The following LRRC69 variants were observed in gnomAD, a reference collection of about 807,000 sequenced individuals.
The protein encoded by LRRC69 is leucine-rich repeat-containing protein 69.
A neutral mutation model predicts 37.8 loss-of-function variants in LRRC69; 42 were observed. The observed-to-expected ratio is 1.11, with a 90% CI of 0.87 to 1.44. The LOEUF (loss-of-function observed/expected upper bound fraction) is 1.44, where lower values mean the gene tolerates loss of function less well. Among genes scored for constraint, LRRC69 ranks in the 40% most tolerant of loss-of-function variants. LRRC69 has a pLI of 0.00. For synonymous variants in LRRC69, 141 were observed against 143.1 expected (o/e 0.99, Z 0.11); for missense variants, 357 against 401.9 (o/e 0.89, Z 0.96).
chr8:91,157,594 G>A (rs1424244186), intron 5 of LRRC69: 1 of 1,546,228 alleles, frequency 6.5e-7, no homozygotes, highest in Non-Finnish European at 8.9e-7. Context: ...AACTGCACCT[G>A]ATCAGGTGGA....
chr8:91,150,860 A>G (rs907435951), intron 5 of LRRC69, among the ~76,000 whole-genome samples: 16 of 151,926 alleles, frequency 1.1e-4, no homozygotes, highest in African/African-American at 3.9e-4. Context: ...TAGACTTTCT[A>G]GTTTGTTTGC....
intron 5 of LRRC69, among the ~76,000 whole-genome samples, chr8:91,173,815 G>C (rs1809174670): frequency 6.6e-6 from 1 of 151,828 alleles, no homozygotes; most frequent in Non-Finnish European, 1.5e-5. Context: ...TTTTATAAGG[G>C]CTCAACCCTC....
chr8:91,141,946 GA>G (rs1808539866), intron 5 of LRRC69, among the ~76,000 whole-genome samples: 1 of 151,968 alleles, frequency 6.6e-6, no homozygotes, highest in South Asian at 2.1e-4. Context: ...TTTCTGGGAA[GA>G]AAGGATTACT....
chr8:91,136,394 CT>C (rs1314377978), intron 5 of LRRC69, among the ~76,000 whole-genome samples: 1 of 151,784 alleles, frequency 6.6e-6, no homozygotes, highest in Non-Finnish European at 1.5e-5. Context: ...AGGTTTCAGT[CT>C]TTTTTTACCT....
chr8:91,120,563 A>G (rs1477649210), intron 1 of LRRC69, among the ~76,000 whole-genome samples: 1 of 152,134 alleles, frequency 6.6e-6, no homozygotes, highest in Non-Finnish European at 1.5e-5. Context: ...GGCATCTGCC[A>G]TGGTGTAGCA....
intron 7 of LRRC69, chr8:91,206,755 T>G (rs1387674892): frequency 7.8e-7 from 1 of 1,289,716 alleles, no homozygotes; most frequent in Admixed American, 2.3e-5. Flanking sequence ...GTGCATCTGG[T>G]GCTCTGCTAA....
At chr8:91,160,812 T>C (rs2080213092) in intron 5 of LRRC69, among the ~76,000 whole-genome samples, 1 of 151,270 alleles carries the variant, frequency 6.6e-6, no homozygotes, top group South Asian at 2.1e-4. Context: ...TATTATACTA[T>C]GTTGAATAAG....
At chr8:91,118,198 A>G (rs1813547637) in intron 1 of LRRC69, 1 of 455,534 alleles carries the variant, frequency 2.2e-6, no homozygotes, top group Non-Finnish European at 4.4e-6. Context: ...ATGTTGGTCT[A>G]GGTGACTTGT....
rs560743353 is a variant in LRRC69, at chr8:91,160,879, TC to T, written c.651+25141del. ...CCAGATTTCAGAGGAAAAGCATTTT[TC>T]TTTTCCCTGCTGAAAGCTTTTCCAT... is the stretch of plus-strand genomic sequence containing the variant. On this transcript the variant is annotated intron_variant, in intron 5 of 7. Transcript: ENST00000448384. 2.7e-3 allele frequency among the ~76,000 whole-genome samples: 410 copies of T among 151,410 alleles called. 5 individuals carry two copies. The highest frequency in any genetic ancestry group is 9.4e-3 in the African/African-American group (390 of 41,444).
At chr8:91,105,508 A>T (rs1452217016) in intron 1 of LRRC69, among the ~76,000 whole-genome samples, 1 of 151,148 alleles carries the variant, frequency 6.6e-6, no homozygotes, top group Non-Finnish European at 1.5e-5. Context: ...ACATAGTGAG[A>T]CCTCATCTCT....
chr8:91,166,509 A>AC (rs1809032680), intron 5 of LRRC69, among the ~76,000 whole-genome samples: 1 of 150,584 alleles, frequency 6.6e-6, no homozygotes, highest in Non-Finnish European at 1.5e-5. Context: ...AAAAAAAAAA[A>AC]AAAAAAACCT....
chr8:91,186,384 G>A (rs1809408029), intron 5 of LRRC69, among the ~76,000 whole-genome samples: 1 of 152,212 alleles, frequency 6.6e-6, no homozygotes, highest in African/African-American at 2.4e-5. Flanking sequence ...GAGAAGCTTA[G>A]AGGGGTGACA....
chr8:91,114,754 G>A (rs761641060), intron 1 of LRRC69, among the ~76,000 whole-genome samples: 59 of 152,026 alleles, frequency 3.9e-4, no homozygotes, highest in Non-Finnish European at 7.9e-4. Flanking sequence ...CTAGGTTAGT[G>A]TAAGTACTAT....
At chr8:91,189,212 C>T (rs1214049034) in intron 5 of LRRC69, among the ~76,000 whole-genome samples, 1 of 152,022 alleles carries the variant, frequency 6.6e-6, no homozygotes, top group African/African-American at 2.4e-5. Context: ...TTTATTAATG[C>T]TTATTCTATT....
rs2130585562 is a variant in LRRC69, at chr8:91,173,057, C to T, written c.652-16465C>T. Among the ~76,000 whole-genome samples the T allele has an allele frequency of 1.3e-5, 2 of 152,088 alleles. 1 individual carries two copies. The highest frequency in any genetic ancestry group is 4.1e-4 in the South Asian group (2 of 4,822). ...GATTCTTCTCTGGTGTTGCCAGCTA[C>T]TCACGGCTCCATTTTATTTCTCTCT... On this transcript the variant is annotated intron_variant, in intron 5 of 7. Coordinates refer to ENST00000448384, the Ensembl canonical transcript of LRRC69.
rs77767268 is a variant in LRRC69, at chr8:91,185,080, C to T, written c.652-4442C>T. Among the ~76,000 whole-genome samples, 14 of 152,214 alleles carry T rather than the reference C, an allele frequency of 9.2e-5. No homozygotes were observed. The South Asian group carries it at 1.5e-3, about 16-fold the overall frequency. Reference sequence around the variant, plus strand: ...GGCAGGGTGGAAGTAGAGGCCTCTTCGGGCTACTGGTTCTCAGGTAGTTCA... The same window carrying T: ...GGCAGGGTGGAAGTAGAGGCCTCTTTGGGCTACTGGTTCTCAGGTAGTTCA... On this transcript the variant is annotated intron_variant, in intron 5 of 7. Transcript: ENST00000448384.
At chr8:91,160,729 A>T (rs761234018) in intron 5 of LRRC69, among the ~76,000 whole-genome samples, 9 of 151,266 alleles carry the variant, frequency 5.9e-5, no homozygotes, top group Middle Eastern at 3.2e-3. Context: ...TGAGTCAATT[A>T]AACCTCTTTT....
intron 1 of LRRC69, among the ~76,000 whole-genome samples, chr8:91,109,976 GA>G (rs1813381729): frequency 6.6e-6 from 1 of 151,994 alleles, no homozygotes; most frequent in South Asian, 2.1e-4. Context: ...AAAAGGCATT[GA>G]TAAGAATTAG....
chr8:91,177,060 G>T (rs1044647199), intron 5 of LRRC69, among the ~76,000 whole-genome samples: 3 of 151,976 alleles, frequency 2.0e-5, no homozygotes, highest in African/African-American at 7.3e-5. Context: ...AGTCTTTTTT[G>T]GGGGGAGGAA....
Sources: gnomAD v4.1 joint callset for allele counts (sites outside exome capture counted in the v4.1 genomes callset) on GRCh38, gnomAD v4.1.1 for gene constraint, MANE v1.5 for transcripts, NCBI Gene and HGNC (gene_info 2026-07-23, HGNC 2026-07-21) for gene names.